The following CACNA2D3 variants were observed in gnomAD, a reference collection of about 807,000 sequenced individuals.
CACNA2D3 encodes calcium voltage-gated channel auxiliary subunit alpha2delta 3.
CACNA2D3 carries 60 observed loss-of-function variants against 160.6 expected under a neutral mutation model. The observed-to-expected ratio is 0.37, with a 90% CI of 0.30 to 0.46. The LOEUF (loss-of-function observed/expected upper bound fraction) is 0.46, where lower values mean the gene tolerates loss of function less well. CACNA2D3 is among the 20% of genes least tolerant of loss of function. CACNA2D3 has a pLI of 1.00. For synonymous variants in CACNA2D3, 558 were observed against 492.9 expected (o/e 1.13, Z -1.75); for missense variants, 1,205 against 1,365.0 (o/e 0.88, Z 1.85).
intron 5 of CACNA2D3, among the ~76,000 whole-genome samples, chr3:54,513,331 A>T (rs937448437): frequency 6.6e-6 from 1 of 152,134 alleles, no homozygotes; most frequent in Non-Finnish European, 1.5e-5. Context: ...GACCTTAGAG[A>T]CACTCACCTG....
At chr3:54,664,692 A>C (rs560963956) in intron 11 of CACNA2D3, among the ~76,000 whole-genome samples, 213 of 152,306 alleles carry the variant, frequency 1.4e-3, no homozygotes, top group South Asian at 8.9e-3. Context: ...TGCCAAGGCC[A>C]TTTCGTGGGC....
intron 3 of CACNA2D3, among the ~76,000 whole-genome samples, chr3:54,348,847 T>A (rs1698502131): frequency 6.6e-6 from 1 of 152,150 alleles, no homozygotes; most frequent in Non-Finnish European, 1.5e-5. Context: ...TCTGCCTCTG[T>A]CTCCCCAGTA....
intron 2 of CACNA2D3, among the ~76,000 whole-genome samples, chr3:54,319,357 G>A (rs1247877356): frequency 3.3e-5 from 5 of 152,092 alleles, no homozygotes; most frequent in Admixed American, 3.3e-4. Context: ...AACTCTTAAG[G>A]TCTCTAGAGC....
At chr3:54,129,195 A>G (rs1484554627) in intron 2 of CACNA2D3, among the ~76,000 whole-genome samples, 2 of 152,212 alleles carry the variant, frequency 1.3e-5, no homozygotes, top group East Asian at 3.8e-4. Flanking sequence ...ACAGCCCAGT[A>G]CTTTGGCCTG....
intron 11 of CACNA2D3, among the ~76,000 whole-genome samples, chr3:54,719,551 T>A (rs1701130653): frequency 6.6e-6 from 1 of 151,954 alleles, no homozygotes; most frequent in African/African-American, 2.4e-5. Context: ...TGCGTTTGAC[T>A]TTGTGCAATT....
intron 23 of CACNA2D3, among the ~76,000 whole-genome samples, chr3:54,887,356 G>A (rs1418453021): frequency 1.3e-5 from 2 of 152,150 alleles, no homozygotes; most frequent in East Asian, 3.9e-4. Flanking sequence ...GAGCCTGAGA[G>A]GCAGAGGTTG....
At chr3:54,971,880 A>G (rs1302231559) in intron 29 of CACNA2D3, among the ~76,000 whole-genome samples, 1 of 152,226 alleles carries the variant, frequency 6.6e-6, no homozygotes, top group Admixed American at 6.5e-5. Flanking sequence ...TTTCTCAACT[A>G]TACAATGGGG....
intron 27 of CACNA2D3, among the ~76,000 whole-genome samples, chr3:54,963,636 A>T (rs977571141): frequency 3.9e-5 from 6 of 152,190 alleles, no homozygotes; most frequent in African/African-American, 1.4e-4. Flanking sequence ...GATCATTGGT[A>T]TTCTGCAAAG....
rs996383836 is a variant in CACNA2D3 at position 54,122,940 on chromosome 3, G to C, written c.122+105G>C. 5.6e-6 allele frequency: 6 copies of C among 1,074,952 alleles called. No individual in the cohort carries two copies. The African/African-American group carries it at 1.0e-4, about 18-fold the overall frequency. 66.6% of individuals were successfully genotyped at this position (1,074,952 alleles called of 1,614,324 possible). A position where few individuals can be genotyped will look rare whatever the true frequency, so the allele number is the denominator to read the frequency against. ...GGTGCGGCTGGGCAGGACCCGCCGC[G>C]GGCGTCGGCCTCGCCGCTCGCACCT... On this transcript the variant is annotated intron_variant, in intron 1 of 37. Coordinates refer to ENST00000474759, the MANE Select transcript of CACNA2D3 (RefSeq NM_018398.3).
chr3:54,315,215 G>T (rs1703833979), intron 2 of CACNA2D3, among the ~76,000 whole-genome samples: 1 of 152,184 alleles, frequency 6.6e-6, no homozygotes, highest in African/African-American at 2.4e-5. Context: ...GCCCCCTCCA[G>T]AATGGGCTTG....
chr3:54,332,110 G>GA (rs1704279994), intron 3 of CACNA2D3, among the ~76,000 whole-genome samples: 1 of 152,210 alleles, frequency 6.6e-6, no homozygotes, highest in Admixed American at 6.5e-5. Flanking sequence ...GTTCTAGAAA[G>GA]AAAGAGCATT....
At chr3:54,519,105 C>CCACCTGCACACGGAAG (rs1701605139) in intron 5 of CACNA2D3, among the ~76,000 whole-genome samples, 4 of 13,896 alleles carry the variant, frequency 2.9e-4, no homozygotes, top group African/African-American at 5.9e-4. Flanking sequence ...GCCAACTGTC[C>CCACCTGCACACGGAAG]TCAGTTGACA....
chr3:54,285,521 A>C (rs2107468873), intron 2 of CACNA2D3, among the ~76,000 whole-genome samples: 1 of 152,292 alleles, frequency 6.6e-6, no homozygotes, highest in Non-Finnish European at 1.5e-5. Flanking sequence ...CAGACAAACA[A>C]AAAGACAGCA....
rs1702058399 is a variant in CACNA2D3 at position 54,546,031 on chromosome 3, A to G, written c.545-16769A>G. The stretch of plus-strand genomic sequence containing the variant: ...CGTCCATGCAGTCAGAAGACATCTG[A>G]AGATCCCCTATTCTGCCTCGGTAGG... On this transcript the variant is annotated intron_variant, in intron 5 of 37. Transcript: ENST00000474759. 2.0e-5 allele frequency among the ~76,000 whole-genome samples: 3 copies of G among 152,188 alleles called. No homozygotes were observed. In the South Asian group the frequency reaches 6.2e-4, roughly 31 times the overall value.
intron 2 of CACNA2D3, among the ~76,000 whole-genome samples, chr3:54,199,815 A>G (rs954818194): frequency 6.6e-6 from 1 of 152,366 alleles, no homozygotes; most frequent in East Asian, 1.9e-4. Flanking sequence ...TGATATTAAC[A>G]CTAGGTAAAG....
Position 54,637,673 on chromosome 3 carries a change from C to T in CACNA2D3, c.1054-4455C>T, listed in dbSNP as rs1288656852. The T allele has an allele frequency of 2.0e-5, 3 of 151,888 alleles. No homozygotes were observed. In the East Asian group the frequency reaches 5.8e-4, roughly 29 times the overall value. The allele number at this position is 151,888 out of a possible 1,614,324, so 9.4% of individuals were successfully genotyped here. On this transcript the variant is annotated intron_variant, in intron 10 of 37. Coordinates refer to ENST00000474759, the MANE Select transcript of CACNA2D3 (RefSeq NM_018398.3). Reference sequence around the variant, plus strand: ...ATTGATTAAGAAGGGGACGGACTTACCCTCCACTGTGAGTTACCTAAAGCT... The same window carrying T: ...ATTGATTAAGAAGGGGACGGACTTATCCTCCACTGTGAGTTACCTAAAGCT...
chr3:54,475,255 T>C (rs912910606), intron 4 of CACNA2D3, among the ~76,000 whole-genome samples: 3 of 152,202 alleles, frequency 2.0e-5, no homozygotes, highest in African/African-American at 7.2e-5. Flanking sequence ...AAGGAAAGAA[T>C]GTTCTCTGTG....
At chr3:54,620,122 T>G (rs184457075) in intron 9 of CACNA2D3, among the ~76,000 whole-genome samples, 93 of 152,254 alleles carry the variant, frequency 6.1e-4, no homozygotes, top group Middle Eastern at 3.4e-3. Flanking sequence ...TGAGCTTATC[T>G]GGAAGTCTCA....
chr3:54,680,379 TTC>T (rs1399313737), intron 11 of CACNA2D3, among the ~76,000 whole-genome samples: 1 of 152,252 alleles, frequency 6.6e-6, no homozygotes, highest in Non-Finnish European at 1.5e-5. Flanking sequence ...GTTTGCAAGT[TTC>T]TGAGGCTGTG....
Sources: gnomAD v4.1 joint callset for allele counts (sites outside exome capture counted in the v4.1 genomes callset) on GRCh38, gnomAD v4.1.1 for gene constraint, MANE v1.5 for transcripts, NCBI Gene and HGNC (gene_info 2026-07-23, HGNC 2026-07-21) for gene names.